TSHR: variants seen among roughly 807,000 people sequenced by gnomAD.
TSHR encodes thyroid stimulating hormone receptor.
TSHR carries 51 observed loss-of-function variants against 64.1 expected under a neutral mutation model. The ratio of observed to expected loss-of-function variants is 0.80; its 90% CI spans 0.64 to 1.01. TSHR has a LOEUF of 1.01. TSHR is among the 50% of genes least tolerant of loss of function. TSHR has a pLI of 0.00. For synonymous variants in TSHR, 361 were observed against 361.9 expected (o/e 1.00, Z 0.03); for missense variants, 877 against 942.8 (o/e 0.93, Z 0.91).
chr14:81,036,808 C>T (rs1884648761), intron 1 of TSHR, among the ~76,000 whole-genome samples: 1 of 152,016 alleles, frequency 6.6e-6, no homozygotes, highest in South Asian at 2.1e-4. Flanking sequence ...AAAATACGTA[C>T]AGGATATGAA....
rs1424947915 is a variant in TSHR at position 81,062,207 on chromosome 14, A to G, written c.230A>G (p.Asn77Ser). Residue 77 changes from asparagine to serine, a missense_variant, in exon 2 of 10, where the codon AAT becomes AGT. By Grantham distance (46) the Asn-to-Ser change is conservative. Transcript: ENST00000298171. ...AGTCATGCATTTTCTAATCTGCCCA[A>G]TATTTCCAGAATGTAAGTTTTTTTA... ...IPSHAFSNLP[N>S]ISRIYVSIDV... 1 of 1,611,048 alleles carries G rather than the reference A, an allele frequency of 6.2e-7. No homozygotes were observed.
At chr14:81,093,125 G>A (rs1028835200) in intron 6 of TSHR, among the ~76,000 whole-genome samples, 6 of 152,136 alleles carry the variant, frequency 3.9e-5, no homozygotes, top group African/African-American at 1.4e-4. Context: ...AAAAAAAAGT[G>A]GTGCCACTAA....
At chr14:81,121,400 A>G (rs942720404) in intron 8 of TSHR, among the ~76,000 whole-genome samples, 1 of 152,236 alleles carries the variant, frequency 6.6e-6, no homozygotes, top group Admixed American at 6.5e-5. Flanking sequence ...CCAATCAAGT[A>G]TGATTGATAA....
At position 81,103,187 on chromosome 14, in the gene TSHR, A is replaced by C; in HGVS notation, c.615-5188A>C. ...AAGGTCAAGGTTCCATGGTAATAAT[A>C]AAATAGTATTCACATTGTGTTTTTA... On this transcript the variant is annotated intron_variant, in intron 7 of 9. Coordinates refer to ENST00000298171, the MANE Select transcript of TSHR (RefSeq NM_000369.5). The surrounding 1 kb of genome is among the most constrained non-coding windows in gnomAD (Gnocchi z 4.1). 3.0e-6 allele frequency: 3 copies of C among 985,474 alleles called. No homozygotes were observed. The highest frequency in any genetic ancestry group is 2.4e-6 in the Non-Finnish European group (2 of 829,936). 61.0% of individuals were successfully genotyped at this position (985,474 alleles called of 1,614,324 possible). A position where few individuals can be genotyped will look rare whatever the true frequency, so the allele number is the denominator to read the frequency against.
chr14:81,116,357 C>CA (rs1436340696), intron 8 of TSHR, among the ~76,000 whole-genome samples: 3 of 121,302 alleles, frequency 2.5e-5, no homozygotes, highest in East Asian at 2.5e-4. Context: ...AAATGGAAAA[C>CA]AAAAAAAGGC....
At chr14:80,956,033 G>A in intron 1 of TSHR, 183 bp downstream of exon 1, 1 of 716,676 alleles carries the variant, frequency 1.4e-6, no homozygotes, top group East Asian at 2.7e-5. Context: ...CCACACTTGG[G>A]AAGGTATCAT....
chr14:80,964,815 T>C (rs1484101542), intron 1 of TSHR, among the ~76,000 whole-genome samples: 1 of 152,216 alleles, frequency 6.6e-6, no homozygotes, highest in African/African-American at 2.4e-5. Context: ...TAACAATAAA[T>C]GAAAATCGCC....
chr14:80,993,037 C>A (rs1312238160), intron 1 of TSHR: 4 of 152,022 alleles, frequency 2.6e-5, no homozygotes, highest in African/African-American at 9.7e-5. Context: ...CCATGCTATA[C>A]CAAAACGAGT....
intron 8 of TSHR, chr14:81,108,662 G>A (rs1041312237): frequency 1.9e-6 from 3 of 1,613,912 alleles, no homozygotes; most frequent in South Asian, 1.1e-5. Context: ...AAGGCCCCAC[G>A]CTCCAGTATG....
chr14:81,006,182 T>C (rs921793813), intron 1 of TSHR, among the ~76,000 whole-genome samples: 32 of 152,242 alleles, frequency 2.1e-4, no homozygotes, highest in Non-Finnish European at 2.2e-4. Flanking sequence ...AGTTCCCATA[T>C]ACTTTACACG....
intron 1 of TSHR, 84 bp downstream of exon 1, chr14:80,955,934 A>G (rs1401909499): frequency 2.6e-6 from 4 of 1,535,242 alleles, no homozygotes; most frequent in Admixed American, 3.3e-5. Flanking sequence ...AAGCAGCTCA[A>G]TAACAGCCCG....
At chr14:81,062,302 AT>A in intron 2 of TSHR, 83 bp downstream of exon 2, 1 of 1,007,008 alleles carries the variant, frequency 9.9e-7, no homozygotes, top group Non-Finnish European at 1.5e-6. Context: ...AATACTTGGT[AT>A]TATACTTGCA....
intron 1 of TSHR, among the ~76,000 whole-genome samples, chr14:81,045,820 G>T (rs1170514030): frequency 2.0e-5 from 3 of 152,092 alleles, no homozygotes; most frequent in Non-Finnish European, 2.9e-5. Context: ...AAATATAAAA[G>T]TTTAAAACAA....
intron 1 of TSHR, chr14:81,001,544 C>T: frequency 1.9e-6 from 1 of 525,366 alleles, no homozygotes; most frequent in South Asian, 1.4e-5. Context: ...ATTCAGCACT[C>T]ATTTTGGGCC....
chr14:81,075,646 T>A (rs1265106976), intron 3 of TSHR, among the ~76,000 whole-genome samples: 1 of 77,834 alleles, frequency 1.3e-5, no homozygotes, highest in Non-Finnish European at 2.4e-5. Context: ...CCCTCCCCCC[T>A]CCCCCCACCC....
intron 1 of TSHR, among the ~76,000 whole-genome samples, chr14:80,973,628 C>A (rs570625812): frequency 1.3e-5 from 2 of 152,082 alleles, no homozygotes; most frequent in East Asian, 3.9e-4. Flanking sequence ...ATGCATGAAG[C>A]CATTATTCAT....
chr14:81,006,195 T>C (rs1306327500), intron 1 of TSHR, among the ~76,000 whole-genome samples: 1 of 152,206 alleles, frequency 6.6e-6, no homozygotes, highest in Non-Finnish European at 1.5e-5. Flanking sequence ...TTTACACGCA[T>C]TTTCCCCTAT....
At chr14:80,995,126 C>T (rs2139747829) in intron 1 of TSHR, 1 of 152,212 alleles carries the variant, frequency 6.6e-6, no homozygotes, top group South Asian at 2.1e-4. Flanking sequence ...AAAAAGGTGC[C>T]ATATCACTGA....
chr14:80,982,164 G>T (rs1017040214), intron 1 of TSHR: 2 of 584,424 alleles, frequency 3.4e-6, no homozygotes, highest in East Asian at 3.5e-5. Context: ...AGAGATGAAG[G>T]CAGTGTCTAA....
Sources: gnomAD v4.1 joint callset for allele counts (sites outside exome capture counted in the v4.1 genomes callset) on GRCh38, gnomAD v4.1.1 for gene constraint, Gnocchi (gnomAD v3.1) non-coding constraint, MANE v1.5 for transcripts, NCBI Gene and HGNC (gene_info 2026-07-23, HGNC 2026-07-21) for gene names.